The following RBMS3 variants were observed in gnomAD, a reference collection of about 807,000 sequenced individuals.
The protein encoded by RBMS3 is RNA binding motif single stranded interacting protein 3.
In RBMS3, 27 loss-of-function variants were observed where a neutral mutation model predicts 66.8. That is an observed-to-expected ratio of 0.40 (90% confidence interval 0.30 to 0.56). The LOEUF is 0.56. Ranked by LOEUF, RBMS3 falls within the 20% of genes least tolerant of loss-of-function variation. The probability of loss-of-function intolerance (pLI) is 0.40; values close to 1 mark genes in which losing one functional copy is unlikely to be tolerated. For missense variants in RBMS3, 513 were observed against 549.5 expected (o/e 0.93, Z 0.66); for synonymous variants, 188 against 183.0 (o/e 1.03, Z -0.22).
chr3:29,563,942 G>C (rs973113822), intron 3 of RBMS3, among the ~76,000 whole-genome samples: 1 of 151,130 alleles, frequency 6.6e-6, no homozygotes, highest in Admixed American at 6.6e-5. Context: ...ATTTGAGCCT[G>C]GAAGATTGAG....
At chr3:29,736,133 T>C (rs545705318) in intron 4 of RBMS3, among the ~76,000 whole-genome samples, 1 of 152,318 alleles carries the variant, frequency 6.6e-6, no homozygotes, top group South Asian at 2.1e-4. Flanking sequence ...TATTTTAAAG[T>C]TTATTTTATG....
chr3:29,718,723 A>G (rs1164783315), intron 4 of RBMS3, among the ~76,000 whole-genome samples: 1 of 152,172 alleles, frequency 6.6e-6, no homozygotes, highest in African/African-American at 2.4e-5. Flanking sequence ...AACTAGTAAC[A>G]GTCTATGACT....
At chr3:29,555,991 A>C (rs1184933368) in intron 3 of RBMS3, among the ~76,000 whole-genome samples, 1 of 152,236 alleles carries the variant, frequency 6.6e-6, no homozygotes, top group Non-Finnish European at 1.5e-5. Flanking sequence ...ACCAGATTAC[A>C]TTTGAAATAT....
Position 29,769,737 on chromosome 3 carries a change from A to G in RBMS3, c.637+6748A>G, listed in dbSNP as rs73831015. Among the ~76,000 whole-genome samples the G allele has an allele frequency of 9.6e-3, 1,452 of 151,928 alleles. 19 individuals carry two copies. The highest frequency in any genetic ancestry group is 0.03 in the African/African-American group (1,226 of 41,472). The stretch of plus-strand genomic sequence containing the variant: ...CACTAAATACTCTTTGGAGTTGTAT[A>G]GTTTCATGAATTAAATGACAATCAT... On this transcript the variant is annotated intron_variant, in intron 6 of 14. Transcript: ENST00000383767.
chr3:29,858,239 C>T (rs1310795995), intron 6 of RBMS3, among the ~76,000 whole-genome samples: 2 of 152,052 alleles, frequency 1.3e-5, no homozygotes, highest in South Asian at 2.1e-4. Flanking sequence ...GGGGTATCTG[C>T]ACTGTAAGAT....
At chr3:29,610,416 T>C in intron 4 of RBMS3, among the ~76,000 whole-genome samples, 1 of 152,162 alleles carries the variant, frequency 6.6e-6, no homozygotes, top group South Asian at 2.1e-4. Flanking sequence ...TAACACAAAG[T>C]CATTTTTCAG....
intron 2 of RBMS3, among the ~76,000 whole-genome samples, chr3:29,487,289 T>C (rs1014042413): frequency 2.6e-5 from 4 of 152,012 alleles, no homozygotes; most frequent in Non-Finnish European, 5.9e-5. Context: ...CGTGTGGTAA[T>C]AGGCATGAGG....
intron 1 of RBMS3, among the ~76,000 whole-genome samples, chr3:29,357,900 G>T (rs1394456583): frequency 6.6e-6 from 1 of 151,668 alleles, no homozygotes; most frequent in Non-Finnish European, 1.5e-5. Context: ...GGGGTTGTTT[G>T]TTTTTTTTCT....
At chr3:29,801,000 C>CGCAT (rs1336136897) in intron 6 of RBMS3, among the ~76,000 whole-genome samples, 1 of 121,356 alleles carries the variant, frequency 8.2e-6, no homozygotes, top group African/African-American at 3.0e-5. Context: ...CGTGCACACA[C>CGCAT]GCATGCACAC....
chr3:29,319,698 A>G (rs1159138552), intron 1 of RBMS3, among the ~76,000 whole-genome samples: 3 of 151,990 alleles, frequency 2.0e-5, no homozygotes, highest in Non-Finnish European at 4.4e-5. Context: ...ACTTTAGTTG[A>G]TCTGTTTCTA....
At chr3:29,476,042 C>T (rs779850001) in intron 2 of RBMS3, among the ~76,000 whole-genome samples, 39 of 152,224 alleles carry the variant, frequency 2.6e-4, no homozygotes, top group Middle Eastern at 3.4e-3. Flanking sequence ...AAACATCCCC[C>T]ACTGACTCCC....
chr3:29,484,109 T>C (rs2125824739), intron 2 of RBMS3, among the ~76,000 whole-genome samples: 1 of 152,328 alleles, frequency 6.6e-6, no homozygotes, highest in East Asian at 1.9e-4. Flanking sequence ...TTGAAGGTCT[T>C]AGGTAAGAGC....
intron 1 of RBMS3, among the ~76,000 whole-genome samples, chr3:29,319,956 T>C (rs1232644444): frequency 6.6e-6 from 1 of 151,920 alleles, no homozygotes; most frequent in Non-Finnish European, 1.5e-5. Flanking sequence ...AGAATCTGTT[T>C]TGAGATTCTG....
chr3:29,405,718 A>C (rs1415528583), intron 1 of RBMS3, among the ~76,000 whole-genome samples: 1 of 152,174 alleles, frequency 6.6e-6, no homozygotes, highest in African/African-American at 2.4e-5. Flanking sequence ...TCTCACCTAA[A>C]ACATGGGGGA....
At chr3:29,483,484 C>T (rs193284454) in intron 2 of RBMS3, among the ~76,000 whole-genome samples, 33 of 152,198 alleles carry the variant, frequency 2.2e-4, no homozygotes, top group African/African-American at 7.9e-4. Context: ...AATGCAAACT[C>T]TCCAGGCCCA....
intron 3 of RBMS3, among the ~76,000 whole-genome samples, chr3:29,548,723 G>T (rs2046068880): frequency 6.6e-6 from 1 of 151,938 alleles, no homozygotes; most frequent in Admixed American, 6.6e-5. Context: ...ACCAGTGCAT[G>T]TAACCTCTCT....
chr3:29,994,456 T>A (rs1228577225), intron 14 of RBMS3, among the ~76,000 whole-genome samples: 1 of 152,216 alleles, frequency 6.6e-6, no homozygotes, highest in Non-Finnish European at 1.5e-5. Context: ...CCTGCCTCTG[T>A]AGGCTCCACC....
At chr3:29,455,719 C>T (rs1475481567) in intron 2 of RBMS3, among the ~76,000 whole-genome samples, 1 of 151,980 alleles carries the variant, frequency 6.6e-6, no homozygotes, top group African/African-American at 2.4e-5. Context: ...TGCATCCTAG[C>T]TTCCTGGCAC....
At chr3:29,987,424 A>G (rs866915613) in intron 12 of RBMS3, among the ~76,000 whole-genome samples, 5 of 152,190 alleles carry the variant, frequency 3.3e-5, no homozygotes, top group Non-Finnish European at 5.9e-5. Flanking sequence ...TCCTCAATAC[A>G]TAATTTATTG....
Sources: allele counts gnomAD v4.1 joint callset (sites outside exome capture counted in the v4.1 genomes callset), GRCh38; gene constraint gnomAD v4.1.1; transcripts MANE v1.5; gene names NCBI Gene and HGNC (gene_info 2026-07-23, HGNC 2026-07-21).